The following DLEU7 variants were observed in gnomAD, a reference collection of about 807,000 sequenced individuals.
DLEU7 encodes leukemia-associated protein 7.
A neutral mutation model predicts 16.0 loss-of-function variants in DLEU7; 17 were observed. The observed-to-expected ratio is 1.06, with a 90% confidence interval of 0.73 to 1.59. DLEU7 has a LOEUF of 1.59. DLEU7 is among the 40% of genes most tolerant of loss of function. The pLI is 0.00. For missense variants in DLEU7, 308 were observed against 314.9 expected, an observed-to-expected ratio of 0.98 and a Z score of 0.17; for synonymous variants, 113 against 139.8, an observed-to-expected ratio of 0.81 and a Z score of 1.35.
chr13:50,718,979 C>T (rs917369770), intron 1 of DLEU7, among the ~76,000 whole-genome samples: 1 of 152,096 alleles, frequency 6.6e-6, no homozygotes, highest in Non-Finnish European at 1.5e-5. Flanking sequence ...TTCCCATTAA[C>T]AAATTCAGTT....
At chr13:50,835,639 T>C (rs1473009533) in intron 1 of DLEU7, among the ~76,000 whole-genome samples, 1 of 152,192 alleles carries the variant, frequency 6.6e-6, no homozygotes, top group African/African-American at 2.4e-5. Flanking sequence ...AAACCAACCC[T>C]GAGCTAATCA....
Position 50,746,954 on chromosome 13 carries a change from T to TAC in DLEU7, c.460-33716_460-33715dup, listed in dbSNP as rs3059124. On this transcript the variant is annotated intron_variant, in intron 1 of 1. Coordinates refer to the DLEU7 transcript ENST00000400393. Reference sequence around the variant, plus strand: ...ATTATAAGCATCTGCTTGTGGAACGTACACACACACACACACATGTATAGA... The same window carrying TAC: ...ATTATAAGCATCTGCTTGTGGAACGTACACACACACACACACACATGTATAGA... Among the ~76,000 whole-genome samples, 259 of 151,028 alleles carry TAC rather than the reference T, an allele frequency of 1.7e-3. 1 individual carries two copies. Among genetic ancestry groups the TAC allele is most frequent in the African/African-American group, 3.9e-3 (162 of 41,108 alleles).
chr13:50,803,983 G>T (rs570140769), intron 1 of DLEU7, among the ~76,000 whole-genome samples: 2 of 152,090 alleles, frequency 1.3e-5, no homozygotes, highest in East Asian at 1.9e-4. Flanking sequence ...TTTTATTAAC[G>T]TGGAAATCTT....
intron 1 of DLEU7, among the ~76,000 whole-genome samples, chr13:50,802,302 T>C (rs899516166): frequency 8.6e-5 from 13 of 152,036 alleles, no homozygotes; most frequent in African/African-American, 2.9e-4. Flanking sequence ...AAGAGAGCAA[T>C]TGGTGAAAGA....
chr13:50,823,888 A>G (rs1016678715), intron 1 of DLEU7, among the ~76,000 whole-genome samples: 2 of 152,252 alleles, frequency 1.3e-5, no homozygotes, highest in African/African-American at 4.8e-5. Flanking sequence ...AATGCAGCCA[A>G]CACAGAAGAA....
chr13:50,798,543 C>T (rs1316239419), intron 1 of DLEU7, among the ~76,000 whole-genome samples: 2 of 152,132 alleles, frequency 1.3e-5, no homozygotes, highest in African/African-American at 4.8e-5. Flanking sequence ...TCTGGGTCTC[C>T]ACCCACAATC....
At chr13:50,780,669 C>T (rs939761750) in intron 1 of DLEU7, among the ~76,000 whole-genome samples, 2 of 152,150 alleles carry the variant, frequency 1.3e-5, no homozygotes, top group Non-Finnish European at 2.9e-5. Flanking sequence ...GAAATAAACT[C>T]AGTCCAAAAA....
intron 1 of DLEU7, among the ~76,000 whole-genome samples, chr13:50,751,472 T>C (rs763591533): frequency 1.4e-4 from 21 of 152,188 alleles, no homozygotes; most frequent in Non-Finnish European, 3.1e-4. Context: ...GTTCCCTCTT[T>C]CTCTATCTTG....
At chr13:50,768,314 C>T (rs1875181908) in intron 1 of DLEU7, among the ~76,000 whole-genome samples, 1 of 150,930 alleles carries the variant, frequency 6.6e-6, no homozygotes, top group South Asian at 2.1e-4. Context: ...ACTTTAAGTT[C>T]TAGGGTACAC....
In DLEU7 at chr13:50,829,319, C is replaced by T. The variant is rs1315040013; in HGVS notation, c.460-5799G>A. Reference sequence around the variant, plus strand: ...AAGATCCACATCAAGGAAAATTGTCCGATTGCTTTATAGAAGTAATCCAAT... The same window carrying T: ...AAGATCCACATCAAGGAAAATTGTCTGATTGCTTTATAGAAGTAATCCAAT... On this transcript the variant is annotated intron_variant, in intron 1 of 1. Transcript: ENST00000504404. Among the ~76,000 whole-genome samples, 5 of 151,986 alleles carry T rather than the reference C, an allele frequency of 3.3e-5. No homozygotes were observed. In the East Asian group the frequency reaches 5.8e-4, roughly 18 times the overall value.
At chr13:50,735,068 A>G (rs1171053935) in intron 1 of DLEU7, among the ~76,000 whole-genome samples, 1 of 152,204 alleles carries the variant, frequency 6.6e-6, no homozygotes, top group African/African-American at 2.4e-5. Context: ...GGGACATTTC[A>G]TAATGATAAA....
chr13:50,802,862 A>G (rs1876287620), intron 1 of DLEU7, among the ~76,000 whole-genome samples: 1 of 152,162 alleles, frequency 6.6e-6, no homozygotes. Flanking sequence ...GGACCACGCT[A>G]TTTATACTTA....
intron 1 of DLEU7, among the ~76,000 whole-genome samples, chr13:50,812,353 G>A (rs953392726): frequency 3.3e-5 from 5 of 152,126 alleles, no homozygotes; most frequent in Admixed American, 1.3e-4. Flanking sequence ...GACCTCCGGC[G>A]AAGATGCATT....
intron 1 of DLEU7, among the ~76,000 whole-genome samples, chr13:50,794,575 A>T (rs1453657640): frequency 6.6e-6 from 1 of 152,218 alleles, no homozygotes; most frequent in Non-Finnish European, 1.5e-5. Flanking sequence ...GTTTTTTAAT[A>T]TGAGAATCAT....
exon 2 of DLEU7, chr13:50,713,022 A>C: frequency 1.7e-6 from 1 of 590,620 alleles, no homozygotes; most frequent in Non-Finnish European, 3.0e-6. Flanking sequence ...GCGCGTTCCA[A>C]TCGGAGGTAA....
intron 1 of DLEU7, among the ~76,000 whole-genome samples, chr13:50,747,396 G>A (rs1874434091): frequency 1.3e-5 from 2 of 151,562 alleles, no homozygotes; most frequent in African/African-American, 4.9e-5. Flanking sequence ...AAGTGGGTGT[G>A]TGCGCGCATT....
At chr13:50,798,879 G>T (rs574845419) in intron 1 of DLEU7, among the ~76,000 whole-genome samples, 1 of 152,256 alleles carries the variant, frequency 6.6e-6, no homozygotes, top group South Asian at 2.1e-4. Flanking sequence ...TCACCTGTGT[G>T]GGCCTCCTTC....
chr13:50,801,571 A>C lies in DLEU7; in HGVS notation c.459+41617T>G, dbSNP rs1037948102. On this transcript the variant is annotated intron_variant, in intron 1 of 1. Transcript: ENST00000400393. The stretch of plus-strand genomic sequence containing the variant: ...ATCCCTTTCGTTCAATGCCTTGGCC[A>C]TTTTCACGGGGTGCACAGGGAGCCC... Among the ~76,000 whole-genome samples the C allele has an allele frequency of 7.2e-5, 11 of 152,036 alleles. 1 individual carries two copies. Among genetic ancestry groups the C allele is most frequent in the African/African-American group, 2.7e-4 (11 of 41,394 alleles).
At chr13:50,743,174 AAGGCAGGC>A (rs376860642) in intron 1 of DLEU7, among the ~76,000 whole-genome samples, 2 of 129,444 alleles carry the variant, frequency 1.5e-5, no homozygotes, top group African/African-American at 5.6e-5. Context: ...GAGAAAGAAA[AAGGCAGGC>A]AGGCAGGCAG....
Sources: allele counts gnomAD v4.1 joint callset (sites outside exome capture counted in the v4.1 genomes callset), GRCh38; gene constraint gnomAD v4.1.1; transcripts MANE v1.5; gene names NCBI Gene and HGNC (gene_info 2026-07-23, HGNC 2026-07-21).